COL21A1: variants seen among roughly 807,000 people sequenced by gnomAD.
COL21A1 encodes the protein collagen alpha-1(XXI) chain.
In COL21A1, 149 loss-of-function variants were observed where a neutral mutation model predicts 137.9. That is an observed-to-expected ratio of 1.08 (90% CI 0.95 to 1.24). The LOEUF (loss-of-function observed/expected upper bound fraction) is 1.24. COL21A1 is among the 50% of genes most tolerant of loss of function. The pLI, the probability that COL21A1 is intolerant of heterozygous loss-of-function variation, is 0.00. For missense variants in COL21A1, 1,167 were observed against 1,158.4 expected (o/e 1.01, Z -0.11); for synonymous variants, 456 against 391.5 (o/e 1.16, Z -1.95).
intron 3 of COL21A1, among the ~76,000 whole-genome samples, chr6:56,176,790 G>C (rs1420856610): frequency 6.6e-6 from 1 of 151,280 alleles, no homozygotes; most frequent in African/African-American, 2.4e-5. Flanking sequence ...TTTGTTAGAA[G>C]ACTAGGTTTC....
intron 1 of COL21A1, among the ~76,000 whole-genome samples, chr6:56,361,769 TG>T (rs1371919464): frequency 2.6e-5 from 4 of 152,002 alleles, no homozygotes; most frequent in Non-Finnish European, 2.9e-5. Context: ...CGTGTGCGTG[TG>T]TGTGTGTGGT....
intron 1 of COL21A1, among the ~76,000 whole-genome samples, chr6:56,281,398 G>A (rs1763782481): frequency 6.6e-6 from 1 of 152,056 alleles, no homozygotes; most frequent in South Asian, 2.1e-4. Flanking sequence ...TTTACATATA[G>A]TTAGCATGGC....
chr6:56,260,657 AATGAAG>A (rs1763240467), intron 1 of COL21A1, among the ~76,000 whole-genome samples: 7 of 46,278 alleles, frequency 1.5e-4, no homozygotes, highest in African/African-American at 5.3e-4. Context: ...GGAAGGAAGG[AATGAAG>A]GAAGGAAGGA....
intron 17 of COL21A1, among the ~76,000 whole-genome samples, chr6:56,094,138 A>G (rs1288349010): frequency 2.6e-5 from 4 of 152,050 alleles, no homozygotes; most frequent in African/African-American, 9.7e-5. Context: ...ACACTTTACT[A>G]TAAGCAGTAA....
At chr6:56,352,753 C>T (rs1398654611) in intron 1 of COL21A1, among the ~76,000 whole-genome samples, 1 of 151,996 alleles carries the variant, frequency 6.6e-6, no homozygotes, top group Non-Finnish European at 1.5e-5. Context: ...CAGAAAAGAT[C>T]TTCAGGCCAG....
At chr6:56,209,114 TATATAAAA>T (rs1419814721) in intron 1 of COL21A1, among the ~76,000 whole-genome samples, 1 of 151,892 alleles carries the variant, frequency 6.6e-6, no homozygotes, top group Non-Finnish European at 1.5e-5. Flanking sequence ...ATAGGCATCT[TATATAAAA>T]ATTAAGCCAA....
chr6:56,162,841 A>G (rs1228268652), intron 9 of COL21A1, among the ~76,000 whole-genome samples: 1 of 152,224 alleles, frequency 6.6e-6, no homozygotes, highest in Non-Finnish European at 1.5e-5. Context: ...GAATTTTATA[A>G]GTATTTCTCC....
intron 1 of COL21A1, among the ~76,000 whole-genome samples, chr6:56,329,564 ATTGT>A (rs1002349239): frequency 3.9e-5 from 6 of 152,130 alleles, no homozygotes; most frequent in African/African-American, 1.4e-4. Flanking sequence ...AATGAAAAAG[ATTGT>A]TTGTCAGGAA....
intron 1 of COL21A1, among the ~76,000 whole-genome samples, chr6:56,233,742 GC>G (rs1781729445): frequency 1.0e-5 from 1 of 98,884 alleles, no homozygotes; most frequent in African/African-American, 3.8e-5. Flanking sequence ...GCTTGAATAG[GC>G]AAAAAAAAAA....
chr6:56,332,856 C>A (rs1376166006), intron 1 of COL21A1, among the ~76,000 whole-genome samples: 1 of 152,008 alleles, frequency 6.6e-6, no homozygotes, highest in African/African-American at 2.4e-5. Flanking sequence ...GCCCATTATT[C>A]AATGGGTATG....
intron 1 of COL21A1, among the ~76,000 whole-genome samples, chr6:56,302,957 G>A (rs1220233766): frequency 6.6e-6 from 1 of 152,078 alleles, no homozygotes; most frequent in Non-Finnish European, 1.5e-5. Context: ...TGGCTAGCCA[G>A]TTTTCCCAGC....
intron 1 of COL21A1, among the ~76,000 whole-genome samples, chr6:56,204,512 C>T (rs1382697439): frequency 6.6e-6 from 1 of 152,148 alleles, no homozygotes; most frequent in Non-Finnish European, 1.5e-5. Flanking sequence ...TCCCATCTCC[C>T]TGGGACAGAG....
In COL21A1 at chr6:56,058,429, T is replaced by C. The variant is rs779176483; in HGVS notation, c.2687-585A>G. On this transcript the variant is annotated intron_variant, in intron 29 of 29. Coordinates refer to ENST00000244728, the MANE Select transcript of COL21A1 (RefSeq NM_030820.4). ...CAAGGAAACAAAAGCTAGCTTACCA[T>C]ACTGGCCTTTTAAAGTTGATTCAAA... 5.0e-4 allele frequency among the ~76,000 whole-genome samples: 76 copies of C among 152,178 alleles called. 1 individual carries two copies. Among genetic ancestry groups the C allele is most frequent in the Non-Finnish European group, 9.1e-4 (62 of 68,030 alleles).
chr6:56,073,117 A>G (rs74569072), intron 20 of COL21A1, among the ~76,000 whole-genome samples: 4 of 151,334 alleles, frequency 2.6e-5, no homozygotes, highest in Non-Finnish European at 5.9e-5. Context: ...AAAAAAAAAA[A>G]GCTGATGAAA....
intron 1 of COL21A1, among the ~76,000 whole-genome samples, chr6:56,287,258 T>C (rs4128445): frequency 0.68 from 103,726 of 151,692 alleles, 36,460 homozygotes; most frequent in African/African-American, 0.76. Context: ...TGTGGCCCTG[T>C]GGTGGAAAAA....
chr6:56,060,824 T>C (rs555608080), intron 26 of COL21A1, 29 bp from the exon 27 acceptor site: 202 of 1,592,176 alleles, frequency 1.3e-4, no homozygotes, highest in South Asian at 9.3e-4. Flanking sequence ...GGTTATAACA[T>C]GCACATAAAG....
intron 1 of COL21A1, among the ~76,000 whole-genome samples, chr6:56,288,747 C>T (rs375186309): frequency 2.6e-5 from 4 of 152,182 alleles, no homozygotes; most frequent in South Asian, 2.1e-4. Context: ...CTGCCATTCA[C>T]GGTTCCTGAA....
intron 3 of COL21A1, among the ~76,000 whole-genome samples, chr6:56,176,404 TAAACTC>T (rs1276321437): frequency 1.4e-5 from 2 of 141,268 alleles, no homozygotes; most frequent in Non-Finnish European, 1.5e-5. Flanking sequence ...AAATAAATAA[TAAACTC>T]TAACTCAGCA....
chr6:56,125,092 C>T (rs1772928214), intron 14 of COL21A1, among the ~76,000 whole-genome samples: 1 of 128,546 alleles, frequency 7.8e-6, no homozygotes, highest in Non-Finnish European at 1.5e-5. Flanking sequence ...GTGATCTTGG[C>T]TCTCTGCAAC....
Sources: allele counts gnomAD v4.1 joint callset (sites outside exome capture counted in the v4.1 genomes callset), GRCh38; gene constraint gnomAD v4.1.1; transcripts MANE v1.5; gene names NCBI Gene and HGNC (gene_info 2026-07-23, HGNC 2026-07-21).